Variants in LRRK2 observed in about 807,000 individuals in gnomAD.
The protein encoded by LRRK2 is leucine-rich repeat serine/threonine-protein kinase 2.
Under a neutral mutation model 302.6 loss-of-function variants are expected in LRRK2, and 203 were observed. The observed-to-expected ratio is 0.67, with a 90% confidence interval of 0.60 to 0.75. The LOEUF (loss-of-function observed/expected upper bound fraction) is 0.75. Ranked by LOEUF, LRRK2 falls within the 30% of genes least tolerant of loss-of-function variation. The pLI, the probability that LRRK2 is intolerant of heterozygous loss-of-function variation, is 0.00. For missense variants in LRRK2, 2,830 were observed against 2,951.0 expected (o/e 0.96, Z 0.95); for synonymous variants, 1,066 against 1,031.9 (o/e 1.03, Z -0.63).
At chr12:40,247,810 T>C (rs1318232109) in intron 7 of LRRK2, among the ~76,000 whole-genome samples, 1 of 143,436 alleles carries the variant, frequency 7.0e-6, no homozygotes, top group East Asian at 2.0e-4. Flanking sequence ...ATATATACAT[T>C]TATATATAAA....
chr12:40,303,830 A>G, intron 26 of LRRK2, 118 bp from the exon 27 acceptor site: 3 of 946,872 alleles, frequency 3.2e-6, no homozygotes, highest in East Asian at 2.6e-5. Flanking sequence ...TCATATGTCA[A>G]TAATGCTAGT....
rs1231898100 is a variant in LRRK2, at chr12:40,252,924, G to A, written c.1196G>A (p.Arg399Lys). 1.9e-6 allele frequency: 3 copies of A among 1,612,814 alleles called. No individual in the cohort carries two copies. In the South Asian group the frequency reaches 3.3e-5, roughly 18 times the overall value. Residue 399 changes from arginine (R) to lysine (K), a missense_variant, in exon 11 of 51, where the codon AGG becomes AAG. Around this residue, in one of 3 missense-constraint regions of LRRK2, gnomAD observed 2,121 missense variants for 2,148.0 expected, o/e 0.99. Coordinates refer to ENST00000298910, the MANE Select transcript of LRRK2 (RefSeq NM_198578.4). ...ATTTTTGAAAGTTTCCCAGCTCATA[G>A]GGAAGTGATGCTCTCCATGCTGATG... ...GDEDGHFPAH[R>K]EVMLSMLMHS...
At chr12:40,245,658 T>G (rs1361444532) in intron 7 of LRRK2, among the ~76,000 whole-genome samples, 1 of 152,150 alleles carries the variant, frequency 6.6e-6, no homozygotes, top group Non-Finnish European at 1.5e-5. Flanking sequence ...ATCTTTACAT[T>G]ATAATTTCTT....
chr12:40,335,170 T>C lies in LRRK2; in HGVS notation c.5948+13T>C, dbSNP rs1439063554. 2 of 1,613,802 alleles carry C rather than the reference T, an allele frequency of 1.2e-6. No individual in the cohort carries two copies. Among genetic ancestry groups the C allele is most frequent in the Admixed American group, 3.3e-5 (2 of 59,972 alleles). On this transcript the variant is annotated intron_variant, in intron 40 of 50. Transcript: ENST00000298910. ...CTGATGGTTTGAGGTAAGTAGGTCA[T>C]GTTGTTTTCTATTCAGTGCATGACA...
intron 22 of LRRK2, among the ~76,000 whole-genome samples, 157 bp from the exon 23 acceptor site, chr12:40,295,270 C>T (rs999667618): frequency 6.6e-6 from 1 of 151,710 alleles, no homozygotes; most frequent in Non-Finnish European, 1.5e-5. Context: ...TACTGTTCAT[C>T]TCTGCCACTG....
chr12:40,329,404 G>A (rs1218842388), intron 39 of LRRK2, among the ~76,000 whole-genome samples: 1 of 151,980 alleles, frequency 6.6e-6, no homozygotes, highest in African/African-American at 2.4e-5. Flanking sequence ...ACCTTCTCAA[G>A]TTCTTTAATT....
intron 31 of LRRK2, among the ~76,000 whole-genome samples, chr12:40,313,661 C>CT (rs1410898113): frequency 6.6e-6 from 1 of 150,702 alleles, no homozygotes; most frequent in Admixed American, 6.7e-5. Flanking sequence ...TATAAAAAAT[C>CT]TTTTTTATGG....
chr12:40,261,062 G>A (rs1302478417), intron 13 of LRRK2, among the ~76,000 whole-genome samples: 2 of 152,082 alleles, frequency 1.3e-5, no homozygotes, highest in African/African-American at 4.8e-5. Flanking sequence ...GTCCTCTGGT[G>A]GCTATTCAAT....
At chr12:40,347,013 T>G in intron 42 of LRRK2, 90 bp downstream of exon 42, 1 of 1,001,240 alleles carries the variant, frequency 1.0e-6, no homozygotes, top group Non-Finnish European at 1.4e-6. Context: ...CTTAATTCCT[T>G]AAACAGATGA....
At chr12:40,337,299 T>G (rs1034069778) in intron 40 of LRRK2, among the ~76,000 whole-genome samples, 1 of 152,236 alleles carries the variant, frequency 6.6e-6, no homozygotes, top group Non-Finnish European at 1.5e-5. Context: ...ATGCTCTCTC[T>G]TCCTCCATCT....
chr12:40,363,336 T>TG (rs1170495584), intron 47 of LRRK2, 66 bp from the exon 48 acceptor site: 82 of 1,474,870 alleles, frequency 5.6e-5, no homozygotes, highest in Non-Finnish European at 2.8e-6. Context: ...TATAAGGTTG[T>TG]ATTACACGTA....
chr12:40,295,391 C>A, intron 22 of LRRK2, 36 bp from the exon 23 acceptor site: 1 of 1,576,158 alleles, frequency 6.3e-7, no homozygotes, highest in Non-Finnish European at 8.7e-7. Flanking sequence ...AAATTATTTG[C>A]TTATATTTCC....
At chr12:40,317,146 G>A (rs1945250320) in intron 33 of LRRK2, among the ~76,000 whole-genome samples, 1 of 151,988 alleles carries the variant, frequency 6.6e-6, no homozygotes, top group Non-Finnish European at 1.5e-5. Flanking sequence ...CTCCATGAAA[G>A]TTCTTCTCAT....
intron 14 of LRRK2, among the ~76,000 whole-genome samples, chr12:40,272,196 G>A (rs1943259443): frequency 1.3e-5 from 2 of 152,192 alleles, no homozygotes; most frequent in Non-Finnish European, 2.9e-5. Flanking sequence ...ACACACCTGT[G>A]AAGCTGGCCT....
intron 20 of LRRK2, 49 bp downstream of exon 20, chr12:40,287,588 C>A: frequency 1.3e-6 from 2 of 1,569,554 alleles, no homozygotes; most frequent in Non-Finnish European, 1.7e-6. Context: ...TACACACTGA[C>A]ATTGAACAAT....
At chr12:40,272,932 A>C (rs1943291845) in intron 14 of LRRK2, among the ~76,000 whole-genome samples, 1 of 152,034 alleles carries the variant, frequency 6.6e-6, no homozygotes, top group Admixed American at 6.6e-5. Flanking sequence ...GAAAGAGAGG[A>C]GCGATTAAGG....
intron 41 of LRRK2, among the ~76,000 whole-genome samples, chr12:40,344,969 A>G (rs940400007): frequency 6.6e-6 from 1 of 152,134 alleles, no homozygotes; most frequent in African/African-American, 2.4e-5. Context: ...TCATACTCAA[A>G]TTCGATGTCT....
intron 30 of LRRK2, among the ~76,000 whole-genome samples, chr12:40,309,835 G>C (rs1200869306): frequency 6.6e-6 from 1 of 152,166 alleles, no homozygotes; most frequent in African/African-American, 2.4e-5. Context: ...TAAAAAGCTT[G>C]TGTCAGGACA....
At chr12:40,249,269 A>G (rs73106354) in intron 7 of LRRK2, among the ~76,000 whole-genome samples, 6,194 of 152,088 alleles carry the variant, frequency 0.041, 190 homozygotes, top group Middle Eastern at 0.082. Flanking sequence ...GAGTGGGTAT[A>G]AAAAGGTATG....
Sources: gnomAD v4.1 joint callset for allele counts (sites outside exome capture counted in the v4.1 genomes callset) on GRCh38, gnomAD v4.1.1 for gene constraint, gnomAD v4.1.1 regional missense constraint, MANE v1.5 for transcripts, NCBI Gene and HGNC (gene_info 2026-07-23, HGNC 2026-07-21) for gene names.